Variants in IL1RAPL2 observed in about 807,000 individuals in gnomAD.
The protein encoded by IL1RAPL2 is interleukin 1 receptor accessory protein like 2.
Under a neutral mutation model 44.1 loss-of-function variants are expected in IL1RAPL2, and 3 were observed. That is an observed-to-expected ratio of 0.07 (90% confidence interval 0.03 to 0.18). IL1RAPL2 has a LOEUF of 0.18. IL1RAPL2 is among the 10% of genes least tolerant of loss of function. The probability of loss-of-function intolerance (pLI) is 1.00; values close to 1 mark genes in which losing one functional copy is unlikely to be tolerated. For missense variants in IL1RAPL2, 391 were observed against 496.4 expected, an observed-to-expected ratio of 0.79 and a Z score of 2.02; for synonymous variants, 181 against 178.8, an observed-to-expected ratio of 1.01 and a Z score of -0.10.
Position 104,703,889 on chromosome X carries a change from A to G in IL1RAPL2, c.82+44894A>G, listed in dbSNP as rs1931320884. Among the ~76,000 whole-genome samples, 5 of 112,254 alleles carry G rather than the reference A, an allele frequency of 4.5e-5. No individual in the cohort carries two copies. The South Asian group carries it at 1.8e-3, about 41-fold the overall frequency. ...CATTACACTGCCTGCTAGGATGTCA[A>G]TCTCATGAGAAGAAAATAAGCTTGG... On this transcript the variant is annotated intron_variant, in intron 2 of 10. Coordinates refer to ENST00000372582, the MANE Select transcript of IL1RAPL2 (RefSeq NM_017416.2).
intron 6 of IL1RAPL2, among the ~76,000 whole-genome samples, chrX:105,545,037 G>A (rs1375942707): frequency 9.0e-6 from 1 of 111,047 alleles, no homozygotes; most frequent in African/African-American, 3.3e-5. Context: ...CATATATATT[G>A]TATCTATATA....
chrX:104,904,886 C>T, intron 2 of IL1RAPL2, among the ~76,000 whole-genome samples: 1 of 110,948 alleles, frequency 9.0e-6, no homozygotes, highest in Non-Finnish European at 1.9e-5. Flanking sequence ...ACACTGACTT[C>T]CACAATGGTT....
intron 2 of IL1RAPL2, among the ~76,000 whole-genome samples, chrX:104,736,016 C>T (rs1205552610): frequency 9.0e-6 from 1 of 110,950 alleles, no homozygotes; most frequent in African/African-American, 3.3e-5. Context: ...TCATCTGTCT[C>T]CTTCATTATT....
intron 2 of IL1RAPL2, among the ~76,000 whole-genome samples, chrX:104,860,335 C>A (rs1204460068): frequency 1.8e-5 from 2 of 111,723 alleles, no homozygotes; most frequent in Non-Finnish European, 3.8e-5. Context: ...TTTTCACTTA[C>A]TTAATTGATT....
At chrX:105,257,703 T>G (rs911606826) in intron 4 of IL1RAPL2, among the ~76,000 whole-genome samples, 3 of 112,494 alleles carry the variant, frequency 2.7e-5, no homozygotes, top group Non-Finnish European at 5.6e-5. Flanking sequence ...TTCTATATTT[T>G]AATCTTTGTT....
At chrX:104,854,892 G>T (rs1922316710) in intron 2 of IL1RAPL2, among the ~76,000 whole-genome samples, 1 of 111,370 alleles carries the variant, frequency 9.0e-6, no homozygotes, top group African/African-American at 3.3e-5. Flanking sequence ...AAATTGGCGT[G>T]GTTTACCAGA....
At chrX:104,899,494 T>G (rs1037487992) in intron 2 of IL1RAPL2, among the ~76,000 whole-genome samples, 7 of 112,191 alleles carry the variant, frequency 6.2e-5, no homozygotes, top group African/African-American at 2.3e-4. Flanking sequence ...AGCCTCTCTT[T>G]GATTGTACTT....
intron 2 of IL1RAPL2, among the ~76,000 whole-genome samples, chrX:104,890,054 G>A (rs1471855081): frequency 2.7e-5 from 3 of 111,230 alleles, no homozygotes; most frequent in African/African-American, 9.8e-5. Flanking sequence ...GCAGTGTTTG[G>A]TTTTTTGTCC....
intron 2 of IL1RAPL2, among the ~76,000 whole-genome samples, chrX:104,840,106 C>G (rs529484787): frequency 9.0e-6 from 1 of 111,437 alleles, no homozygotes; most frequent in Admixed American, 9.6e-5. Flanking sequence ...TTTCTGCTAG[C>G]TTTTGAATTT....
At chrX:104,701,925 A>G (rs1279222522) in intron 2 of IL1RAPL2, among the ~76,000 whole-genome samples, 1 of 111,957 alleles carries the variant, frequency 8.9e-6, no homozygotes, top group African/African-American at 3.2e-5. Flanking sequence ...CTGGGATAGT[A>G]ATGCTGATAA....
intron 1 of IL1RAPL2, among the ~76,000 whole-genome samples, chrX:104,617,069 G>T (rs1326909178): frequency 8.9e-6 from 1 of 112,092 alleles, no homozygotes. Flanking sequence ...CCCTTCTAGG[G>T]TTTTTATAGT....
At position 104,893,688 on chromosome X, in the gene IL1RAPL2, C is replaced by A. The variant is rs562121245; in HGVS notation, c.82+234693C>A. Among the ~76,000 whole-genome samples, 159 of 111,679 alleles carry A rather than the reference C, an allele frequency of 1.4e-3. 1 individual carries two copies. Among genetic ancestry groups the A allele is most frequent in the African/African-American group, 4.8e-3 (148 of 30,703 alleles). ...TGTTGAGTCTATGTGTGTTTCTGCA[C>A]ATGAGATGGGTCTCTGAATGCAGCA... On this transcript the variant is annotated intron_variant, in intron 2 of 10. Transcript: ENST00000372582.
intron 1 of IL1RAPL2, among the ~76,000 whole-genome samples, chrX:104,630,443 G>C (rs1037158081): frequency 9.1e-6 from 1 of 109,557 alleles, no homozygotes; most frequent in Non-Finnish European, 1.9e-5. Flanking sequence ...CACTGCGCCC[G>C]GCAGGCTGAT....
intron 1 of IL1RAPL2, among the ~76,000 whole-genome samples, chrX:104,633,172 T>G (rs186936139): frequency 8.9e-6 from 1 of 111,966 alleles, no homozygotes; most frequent in African/African-American, 3.2e-5. Context: ...GAACCAGCCT[T>G]GCATCCCAGG....
chrX:104,807,522 A>G (rs999867042), intron 2 of IL1RAPL2, among the ~76,000 whole-genome samples: 3 of 111,854 alleles, frequency 2.7e-5, no homozygotes, highest in East Asian at 2.8e-4. Flanking sequence ...TGCTCAATAT[A>G]CAATAATGCA....
chrX:104,598,829 A>G (rs1250566140), intron 1 of IL1RAPL2, among the ~76,000 whole-genome samples: 1 of 112,647 alleles, frequency 8.9e-6, no homozygotes. Flanking sequence ...GCTTTAACCT[A>G]GAGTTACTCT....
chrX:105,590,022 T>G (rs893845008), intron 6 of IL1RAPL2, among the ~76,000 whole-genome samples: 1 of 112,166 alleles, frequency 8.9e-6, no homozygotes, highest in African/African-American at 3.2e-5. Context: ...GGGATGTTTT[T>G]CCATTTGTCT....
intron 2 of IL1RAPL2, among the ~76,000 whole-genome samples, chrX:104,701,196 T>G (rs867896219): frequency 2.7e-5 from 3 of 112,135 alleles, no homozygotes; most frequent in Non-Finnish European, 5.6e-5. Flanking sequence ...GAATGAAGGC[T>G]TAGTGTGTGG....
In IL1RAPL2 at chrX:105,353,334, G is replaced by C. The variant is rs775783500; in HGVS notation, c.697+85793G>C. Among the ~76,000 whole-genome samples, 515 of 111,333 alleles carry C rather than the reference G, an allele frequency of 4.6e-3. 7 individuals carry two copies. The Middle Eastern group carries it at 0.056, about 12-fold the overall frequency. ...TACCATGCTGTTTTGGTTACTGTAG[G>C]CTTGTAGTATAGTTTGAAGTCAGGT... On this transcript the variant is annotated intron_variant, in intron 5 of 10. Transcript: ENST00000372582.
Sources: gnomAD v4.1 joint callset for allele counts (sites outside exome capture counted in the v4.1 genomes callset) on GRCh38, gnomAD v4.1.1 for gene constraint, MANE v1.5 for transcripts, NCBI Gene and HGNC (gene_info 2026-07-23, HGNC 2026-07-21) for gene names.